KLF12: variants seen among roughly 807,000 people sequenced by gnomAD.
KLF12 encodes the protein Krueppel-like factor 12.
KLF12 carries 9 observed loss-of-function variants against 37.8 expected under a neutral mutation model. The observed-to-expected ratio is 0.24, with a 90% CI of 0.14 to 0.42. KLF12 has a LOEUF of 0.42. KLF12 is among the 10% of genes least tolerant of loss of function. The probability of loss-of-function intolerance (pLI) is 1.00; values close to 1 mark genes in which losing one functional copy is unlikely to be tolerated. For synonymous variants in KLF12, 208 were observed against 202.1 expected, an observed-to-expected ratio of 1.03 and a Z score of -0.25; for missense variants, 411 against 516.0, an observed-to-expected ratio of 0.80 and a Z score of 1.97.
At chr13:74,209,418 CTACTAAA>C in the KLF12 span, among the ~76,000 whole-genome samples, 66 of 151,768 alleles carry the variant, frequency 4.3e-4, 1 homozygote, top group Non-Finnish European at 2.9e-5. Context: ...TTTCTGATTC[CTACTAAA>C]TACTCTGTAC....
the KLF12 span, among the ~76,000 whole-genome samples, chr13:74,249,764 TG>T: frequency 5.3e-5 from 8 of 152,196 alleles, no homozygotes; most frequent in African/African-American, 1.7e-4. Context: ...AAATGCTCTG[TG>T]GGGTCCTTGG....
chr13:73,774,961 A>C (rs2138148091), intron 5 of KLF12, among the ~76,000 whole-genome samples: 1 of 143,652 alleles, frequency 7.0e-6, no homozygotes, highest in African/African-American at 2.6e-5. Flanking sequence ...TCTGTAGCCC[A>C]GGCTGGATTA....
the KLF12 span, among the ~76,000 whole-genome samples, chr13:74,221,599 A>G: frequency 6.6e-6 from 1 of 152,118 alleles, no homozygotes; most frequent in Admixed American, 6.5e-5. Flanking sequence ...ACATATTTCT[A>G]TTACTCTATT....
intron 1 of KLF12, among the ~76,000 whole-genome samples, chr13:74,006,310 T>G (rs1236748895): frequency 6.6e-6 from 1 of 152,280 alleles, no homozygotes. Flanking sequence ...TTTTGAAGAT[T>G]CTCTCTCCCT....
intron 3 of KLF12, among the ~76,000 whole-genome samples, chr13:73,915,857 T>C (rs1387512994): frequency 6.6e-6 from 1 of 151,974 alleles, no homozygotes; most frequent in Non-Finnish European, 1.5e-5. Context: ...GAATTTAGGA[T>C]TGACTTTCTC....
chr13:74,273,697 A>G, the KLF12 span, among the ~76,000 whole-genome samples: 2 of 152,072 alleles, frequency 1.3e-5, no homozygotes, highest in South Asian at 2.1e-4. Flanking sequence ...GTGGACTTGG[A>G]ATATTTTTGG....
the KLF12 span, among the ~76,000 whole-genome samples, chr13:74,195,288 GGGCCAAAAAATCAGACACAGA>G: frequency 2.0e-5 from 3 of 152,158 alleles, no homozygotes; most frequent in African/African-American, 4.8e-5. Flanking sequence ...ATCTTTGAGA[GGGCCAAAAAATCAGACACAGA>G]GGCCTCACAG....
chr13:74,013,535 A>G (rs927746483), intron 1 of KLF12, among the ~76,000 whole-genome samples: 1 of 152,156 alleles, frequency 6.6e-6, no homozygotes, highest in African/African-American at 2.4e-5. Context: ...AACAACAACA[A>G]CACAAAAACA....
chr13:73,738,055 GTATA>G lies in KLF12; in HGVS notation c.870-22534_870-22531del, dbSNP rs549205124. On this transcript the variant is annotated intron_variant, in intron 6 of 7. Coordinates refer to ENST00000377669, the MANE Select transcript of KLF12 (RefSeq NM_007249.5). The stretch of plus-strand genomic sequence containing the variant: ...CACACACACACACACACATACGTGT[GTATA>G]TATATATATACACACACATATATGT... Among the ~76,000 whole-genome samples the G allele has an allele frequency of 6.5e-4, 63 of 97,128 alleles. 1 individual carries two copies. The highest frequency in any genetic ancestry group is 2.2e-3 in the African/African-American group (44 of 20,456). 63.7% of individuals were successfully genotyped at this position (97,128 alleles called of 152,430 possible). A position where few individuals can be genotyped will look rare whatever the true frequency, so the allele number is the denominator to read the frequency against.
intron 5 of KLF12, among the ~76,000 whole-genome samples, chr13:73,802,778 C>A (rs1365740165): frequency 6.6e-6 from 1 of 152,102 alleles, no homozygotes; most frequent in African/African-American, 2.4e-5. Flanking sequence ...GCTGCATCCA[C>A]GTTGCTGCAG....
intron 1 of KLF12, among the ~76,000 whole-genome samples, chr13:74,012,012 T>C (rs1892563128): frequency 6.6e-6 from 1 of 151,624 alleles, no homozygotes; most frequent in Non-Finnish European, 1.5e-5. Context: ...TTTCCTGGCC[T>C]TTAACTGTAT....
chr13:74,013,581 T>A (rs1043769576), intron 1 of KLF12, among the ~76,000 whole-genome samples: 16 of 152,200 alleles, frequency 1.1e-4, no homozygotes, highest in Non-Finnish European at 2.2e-4. Context: ...ATATGTGTTG[T>A]ACCATTCTTT....
intron 2 of KLF12, among the ~76,000 whole-genome samples, chr13:73,960,636 G>C (rs535847322): frequency 4.0e-4 from 61 of 152,198 alleles, no homozygotes; most frequent in African/African-American, 1.4e-3. Context: ...TCATGTTACA[G>C]TTACAATTTA....
the KLF12 span, among the ~76,000 whole-genome samples, chr13:74,203,952 A>T: frequency 6.6e-6 from 1 of 152,126 alleles, no homozygotes; most frequent in Non-Finnish European, 1.5e-5. Flanking sequence ...GAAAGACCTT[A>T]AAAAAAGATA....
chr13:74,134,585 T>G (rs1371901878), upstream of KLF12, among the ~76,000 whole-genome samples: 2 of 144,530 alleles, frequency 1.4e-5, no homozygotes, highest in African/African-American at 2.6e-5. Context: ...TCGGCAGCGC[T>G]TCCCTTTCAC....
At chr13:73,725,841 T>G (rs1304825992) in intron 6 of KLF12, among the ~76,000 whole-genome samples, 2 of 18,612 alleles carry the variant, frequency 1.1e-4, no homozygotes, top group Non-Finnish European at 3.0e-4. Context: ...ATGTATTTAT[T>G]TATTTATTTA....
At chr13:73,771,975 TGG>T (rs1446015701) in intron 5 of KLF12, among the ~76,000 whole-genome samples, 1 of 152,220 alleles carries the variant, frequency 6.6e-6, no homozygotes, top group Non-Finnish European at 1.5e-5. Flanking sequence ...GTGAATAATA[TGG>T]CATGGCCAGA....
chr13:73,969,475 A>G (rs1408447849), intron 2 of KLF12, among the ~76,000 whole-genome samples: 1 of 152,194 alleles, frequency 6.6e-6, no homozygotes, highest in African/African-American at 2.4e-5. Context: ...ACTTTAGGAC[A>G]TGCCTACAAT....
chr13:74,152,182 TC>T, the KLF12 span, among the ~76,000 whole-genome samples: 104 of 152,306 alleles, frequency 6.8e-4, no homozygotes, highest in African/African-American at 2.0e-3. Context: ...TTGCTCTGAT[TC>T]CAGATTTACT....
Sources: allele counts gnomAD v4.1 joint callset (sites outside exome capture counted in the v4.1 genomes callset), GRCh38; gene constraint gnomAD v4.1.1; transcripts MANE v1.5; gene names NCBI Gene and HGNC (gene_info 2026-07-23, HGNC 2026-07-21).